Variants in GABRB1 observed in about 807,000 individuals in gnomAD.
The protein encoded by GABRB1 is gamma-aminobutyric acid type A receptor subunit beta1.
A neutral mutation model predicts 51.6 loss-of-function variants in GABRB1; 17 were observed. The observed-to-expected ratio is 0.33, with a 90% CI of 0.23 to 0.49. The LOEUF is 0.49. Among genes scored for constraint, GABRB1 ranks in the 20% least tolerant of loss-of-function variants. GABRB1 has a pLI of 0.99. For missense variants in GABRB1, 410 were observed against 600.6 expected (o/e 0.68, Z 3.32); for synonymous variants, 247 against 218.9 (o/e 1.13, Z -1.14).
At chr4:47,075,644 G>A (rs145651372) in intron 3 of GABRB1, among the ~76,000 whole-genome samples, 48 of 152,262 alleles carry the variant, frequency 3.2e-4, no homozygotes, top group African/African-American at 1.1e-3. Flanking sequence ...GCTCATCCTT[G>A]TTCAGAAATC....
intron 5 of GABRB1, among the ~76,000 whole-genome samples, chr4:47,323,639 A>C (rs944842715): frequency 6.6e-6 from 1 of 152,174 alleles, no homozygotes; most frequent in Non-Finnish European, 1.5e-5. Context: ...GTAAGATTGA[A>C]CCAATCGTAC....
At chr4:47,246,457 T>C (rs1578031214) in intron 4 of GABRB1, among the ~76,000 whole-genome samples, 1 of 133,108 alleles carries the variant, frequency 7.5e-6, no homozygotes, top group East Asian at 2.3e-4. Flanking sequence ...GTTCCACTAT[T>C]TTGCAATTGT....
intron 3 of GABRB1, among the ~76,000 whole-genome samples, chr4:47,114,259 C>G (rs548349130): frequency 1.4e-4 from 21 of 152,324 alleles, no homozygotes; most frequent in Middle Eastern, 6.8e-3. Context: ...AGGTCATCCT[C>G]AGAGTACTCT....
intron 3 of GABRB1, among the ~76,000 whole-genome samples, chr4:47,064,687 A>G (rs1224427003): frequency 6.6e-6 from 1 of 150,966 alleles, no homozygotes; most frequent in Non-Finnish European, 1.5e-5. Context: ...AAAAGCAGTT[A>G]TCAACCTAAT....
At chr4:47,250,166 C>T (rs1721929754) in intron 4 of GABRB1, among the ~76,000 whole-genome samples, 1 of 152,078 alleles carries the variant, frequency 6.6e-6, no homozygotes, top group South Asian at 2.1e-4. Flanking sequence ...ATTCTCTCAG[C>T]ATTTGTTTGT....
At chr4:47,007,094 C>T (rs553709606) in intron 1 of GABRB1, among the ~76,000 whole-genome samples, 2 of 151,416 alleles carry the variant, frequency 1.3e-5, no homozygotes, top group East Asian at 2.0e-4. Context: ...GAGCCATGAT[C>T]GTGCCACTGC....
At chr4:47,301,824 T>A (rs1365194065) in intron 4 of GABRB1, among the ~76,000 whole-genome samples, 1 of 152,094 alleles carries the variant, frequency 6.6e-6, no homozygotes, top group African/African-American at 2.4e-5. Context: ...CACAGGGCAA[T>A]AATCAATTAC....
At chr4:47,399,715 A>G (rs1377190996) in intron 5 of GABRB1, among the ~76,000 whole-genome samples, 1 of 152,162 alleles carries the variant, frequency 6.6e-6, no homozygotes, top group East Asian at 1.9e-4. Flanking sequence ...GTATTTTGGC[A>G]GGGAGTAGTA....
chr4:47,212,387 A>G (rs1720392243), intron 4 of GABRB1, among the ~76,000 whole-genome samples: 1 of 152,174 alleles, frequency 6.6e-6, no homozygotes, highest in Admixed American at 6.5e-5. Context: ...GAAGACAGCC[A>G]GCCCCAGGGC....
chr4:47,031,789 T>A, intron 1 of GABRB1, 58 bp downstream of exon 1: 3 of 1,553,116 alleles, frequency 1.9e-6, no homozygotes, highest in Non-Finnish European at 2.7e-6. Context: ...TTTCTTGGTA[T>A]GTTTCTTTTT....
intron 3 of GABRB1, among the ~76,000 whole-genome samples, chr4:47,076,696 C>T (rs1276123522): frequency 1.3e-5 from 2 of 152,100 alleles, no homozygotes; most frequent in Admixed American, 1.3e-4. Flanking sequence ...CCTGATAGGC[C>T]TAACTCTGTG....
chr4:47,089,783 A>G (rs2109583625), intron 3 of GABRB1, among the ~76,000 whole-genome samples: 1 of 152,248 alleles, frequency 6.6e-6, no homozygotes, highest in Middle Eastern at 3.4e-3. Context: ...CTTTTATGCT[A>G]TTAAAATTTG....
chr4:47,304,418 AT>A (rs1724374503), intron 4 of GABRB1, among the ~76,000 whole-genome samples: 1 of 152,038 alleles, frequency 6.6e-6, no homozygotes, highest in Admixed American at 6.6e-5. Flanking sequence ...CATGTTGGTT[AT>A]TTGTATGTCT....
At chr4:47,034,377 GA>G (rs1222390216) in intron 3 of GABRB1, among the ~76,000 whole-genome samples, 1 of 151,954 alleles carries the variant, frequency 6.6e-6, no homozygotes. Flanking sequence ...TCAGAACAAG[GA>G]TTGACTTTAA....
At chr4:47,361,195 T>G (rs1007518283) in intron 5 of GABRB1, among the ~76,000 whole-genome samples, 1 of 151,850 alleles carries the variant, frequency 6.6e-6, no homozygotes, top group Non-Finnish European at 1.5e-5. Flanking sequence ...ACAAAACAAC[T>G]AAAAAAGGAG....
At chr4:47,245,823 C>G (rs1411500437) in intron 4 of GABRB1, among the ~76,000 whole-genome samples, 1 of 143,978 alleles carries the variant, frequency 6.9e-6, no homozygotes. Flanking sequence ...TCTTTTCTTT[C>G]TTTCTTTTTT....
chr4:47,259,030 G>T (rs189871149), intron 4 of GABRB1, among the ~76,000 whole-genome samples: 73 of 152,140 alleles, frequency 4.8e-4, no homozygotes, highest in African/African-American at 1.7e-3. Context: ...ATATGCAGTT[G>T]TCTTAAGTAA....
intron 4 of GABRB1, among the ~76,000 whole-genome samples, chr4:47,301,787 T>A (rs149746693): frequency 9.2e-5 from 14 of 152,280 alleles, no homozygotes; most frequent in African/African-American, 3.1e-4. Context: ...TACAAATATA[T>A]GCAAATTGGC....
At chr4:47,048,159 A>C (rs914601954) in intron 3 of GABRB1, among the ~76,000 whole-genome samples, 2 of 152,072 alleles carry the variant, frequency 1.3e-5, no homozygotes, top group Admixed American at 1.3e-4. Context: ...AAAAATCCCC[A>C]CATTGTAATC....
Sources: allele counts gnomAD v4.1 joint callset (sites outside exome capture counted in the v4.1 genomes callset), GRCh38; gene constraint gnomAD v4.1.1; transcripts MANE v1.5; gene names NCBI Gene and HGNC (gene_info 2026-07-23, HGNC 2026-07-21).